Variants in DNAH7 observed in about 807,000 individuals in gnomAD.
DNAH7 encodes dynein axonemal heavy chain 7, also known as axonemal beta dynein heavy chain 7.
DNAH7 carries 397 observed loss-of-function variants against 444.6 expected under a neutral mutation model. The observed-to-expected ratio is 0.89, with a 90% CI of 0.82 to 0.97. The LOEUF (loss-of-function observed/expected upper bound fraction) is 0.97. Ranked by LOEUF, DNAH7 falls within the 50% of genes least tolerant of loss-of-function variation. The pLI, the probability that DNAH7 is intolerant of heterozygous loss-of-function variation, is 0.00. For missense variants in DNAH7, 4,902 were observed against 4,800.8 expected (o/e 1.02, Z -0.62); for synonymous variants, 1,636 against 1,624.4 (o/e 1.01, Z -0.17).
Position 196,000,764 on chromosome 2 carries a change from G to A in DNAH7, c.1293C>T (p.Asp431=), listed in dbSNP as rs370258473. ...DYIDIFLNVY[D]VMIKAVSFVP... ...CAAAACTGACAGCTTTAATCATGAC[G>A]TCATAAACATTTAGAAAGATATCTA... Residue 431 remains aspartate, a synonymous_variant, in exon 12 of 65, where the codon GAC becomes GAT. Coordinates refer to ENST00000312428, the MANE Select transcript of DNAH7 (RefSeq NM_018897.3). The A allele has an allele frequency of 4.5e-5, 72 of 1,595,642 alleles. No homozygotes were observed. The highest frequency in any genetic ancestry group is 1.8e-4 in the South Asian group (16 of 87,018).
At chr2:195,804,815 G>A (rs1476265960) in intron 54 of DNAH7, among the ~76,000 whole-genome samples, 2 of 151,906 alleles carry the variant, frequency 1.3e-5, no homozygotes, top group Admixed American at 6.6e-5. Flanking sequence ...CAGAAATACT[G>A]ATGAGTAGTA....
Position 195,737,863 on chromosome 2 carries a change from T to TAC in DNAH7, c.*57_*58insGT. 22 of 1,289,600 alleles carry TAC rather than the reference T, an allele frequency of 1.7e-5. No individual in the cohort carries two copies. Among genetic ancestry groups the TAC allele is most frequent in the Non-Finnish European group, 2.4e-5 (22 of 910,220 alleles). 79.9% of individuals were successfully genotyped at this position (1,289,600 alleles called of 1,614,324 possible). ...AAAAAAAGGTTTAAGTAGTAAAATA[T>TAC]GCTTTCTCTACTCAGCCAGCCAACA... On this transcript the variant is annotated 3_prime_UTR_variant, in exon 65 of 65. Transcript: ENST00000312428.
intron 9 of DNAH7, among the ~76,000 whole-genome samples, chr2:196,013,993 G>A (rs1340557243): frequency 2.6e-5 from 4 of 152,116 alleles, no homozygotes; most frequent in Non-Finnish European, 4.4e-5. Context: ...TAGTTTCTTC[G>A]TATTCGATTT....
intron 40 of DNAH7, among the ~76,000 whole-genome samples, chr2:195,867,456 G>A (rs1299495445): frequency 1.3e-5 from 2 of 152,064 alleles, no homozygotes; most frequent in Non-Finnish European, 2.9e-5. Context: ...TATAATTCAT[G>A]GACCATAAAA....
chr2:195,976,364 G>A (rs1692185033), intron 15 of DNAH7, among the ~76,000 whole-genome samples: 1 of 152,112 alleles, frequency 6.6e-6, no homozygotes, highest in African/African-American at 2.4e-5. Context: ...GGGAAGAGTG[G>A]GAAGGACTTT....
In DNAH7 at chr2:195,888,874, C is replaced by G. The variant is rs1046919726; in HGVS notation, c.5154G>C (p.Gly1718=). 1 of 1,613,928 alleles carries G rather than the reference C, an allele frequency of 6.2e-7. No individual in the cohort carries two copies. The highest frequency in any genetic ancestry group is 2.2e-5 in the East Asian group (1 of 44,852). ...DDNKKLCLMS[G]EIIQMSPQMN... is the part of the protein sequence containing the mutation. The stretch of plus-strand genomic sequence containing the variant: ...TTTGTGGTGACATCTGAATAATCTC[C>G]CCACTCATCAGACATAGCTTCTTGT... The change falls in exon 32 of 65, where the codon GGG becomes GGC. Residue 1718 remains glycine (G), a synonymous_variant. Transcript: ENST00000312428.
chr2:196,033,424 C>T (rs1260013513), intron 5 of DNAH7, among the ~76,000 whole-genome samples: 1 of 152,152 alleles, frequency 6.6e-6, no homozygotes, highest in Non-Finnish European at 1.5e-5. Flanking sequence ...CTAACTAAGT[C>T]TTTGTAGCCT....
rs1041648515 is a variant in DNAH7 at position 195,824,258 on chromosome 2, T to A, written c.9288A>T (p.Val3096=). 3.1e-6 allele frequency: 5 copies of A among 1,611,426 alleles called. No individual in the cohort carries two copies. The African/African-American group carries it at 4.0e-5, about 13-fold the overall frequency. ...AACATTCATTTTATATACTGGCCTTTACTGATGTTTCAGGAAGATAATGAG... is the reference window on the plus strand; with the variant it reads ...AACATTCATTTTATATACTGGCCTTAACTGATGTTTCAGGAAGATAATGAG... ...RNPHYLPETS[V]KVTLLNFMIT... The change falls in exon 49 of 65, where the codon GTA becomes GTT. Residue 3096 remains valine, a synonymous_variant. Transcript: ENST00000312428.
intron 19 of DNAH7, among the ~76,000 whole-genome samples, chr2:195,954,481 T>G (rs1690497821): frequency 6.6e-6 from 1 of 152,274 alleles, no homozygotes; most frequent in Non-Finnish European, 1.5e-5. Context: ...AGTGCCACAA[T>G]AAACATACAT....
chr2:196,018,389 T>C (rs1695156786), intron 9 of DNAH7, among the ~76,000 whole-genome samples: 1 of 152,072 alleles, frequency 6.6e-6, no homozygotes, highest in Admixed American at 6.6e-5. Flanking sequence ...AAAACATAAA[T>C]ATGCTATGAT....
At position 195,858,497 on chromosome 2, in the gene DNAH7, C is replaced by A; in HGVS notation, c.8044G>T (p.Ala2682Ser). ...ACCTGTGCAGTAAGAGTATCAAGGG[C>A]GGCCAGTGCTGACTCTAATATTGGC... ...ALPILESALA[A>S]LDTLTAQDIT... Residue 2682 changes from alanine to serine, a missense_variant, in exon 43 of 65, where the codon GCC (alanine) becomes TCC (serine). Transcript: ENST00000312428. 6.2e-7 allele frequency: 1 copy of A among 1,607,746 alleles called. No homozygotes were observed. The highest frequency in any genetic ancestry group is 1.1e-5 in the South Asian group (1 of 90,370).
intron 46 of DNAH7, among the ~76,000 whole-genome samples, chr2:195,848,673 G>C (rs1262214282): frequency 1.3e-5 from 2 of 152,232 alleles, no homozygotes; most frequent in Non-Finnish European, 2.9e-5. Flanking sequence ...CATCAAGCTA[G>C]AGCTGTGGGA....
Position 195,853,483 on chromosome 2 carries a change from CA to C in DNAH7, c.8640del (p.Ile2880MetfsTer18), listed in dbSNP as rs766722939. The C allele has an allele frequency of 1.1e-5, 18 of 1,613,958 alleles. No individual in the cohort carries two copies. The highest frequency in any genetic ancestry group is 1.5e-5 in the Non-Finnish European group (18 of 1,179,926). On this transcript the variant is annotated frameshift_variant, in exon 46 of 65. Coordinates refer to ENST00000312428, the MANE Select transcript of DNAH7 (RefSeq NM_018897.3). LOFTEE classifies it high-confidence loss of function. ...CGAGTTTTCTCACCTCCAAGGCCTCCAATCAACTGTTCAGCTCGTTCTAGTT... is the reference window on the plus strand; with the variant it reads ...CGAGTTTTCTCACCTCCAAGGCCTCCATCAACTGTTCAGCTCGTTCTAGTT... Reference protein sequence around the residue: ...SKKLERAEQLIGGLGGEKTRW... With the variant: ...SKKLERAEQLXGGLGGEKTRW...
intron 47 of DNAH7, among the ~76,000 whole-genome samples, chr2:195,840,460 T>C (rs1157798965): frequency 6.6e-6 from 1 of 151,754 alleles, no homozygotes; most frequent in East Asian, 1.9e-4. Context: ...GTGTCTGATT[T>C]CATCAACCCT....
intron 40 of DNAH7, among the ~76,000 whole-genome samples, chr2:195,865,888 G>C (rs1316501794): frequency 6.6e-6 from 1 of 152,126 alleles, no homozygotes; most frequent in Non-Finnish European, 1.5e-5. Context: ...CTCTCTCTCT[G>C]GTTCTTGTTT....
chr2:195,799,177 G>A (rs774172551), intron 55 of DNAH7, 119 bp downstream of exon 55: 63 of 870,072 alleles, frequency 7.2e-5, no homozygotes, highest in Admixed American at 1.7e-4. Flanking sequence ...GTCAACTTGT[G>A]ATAACTTTCA....
Position 195,972,320 on chromosome 2 carries a change from A to C in DNAH7, c.1980T>G (p.Tyr660Ter). 6.2e-7 allele frequency: 1 copy of C among 1,614,120 alleles called. No homozygotes were observed. Residue 660 changes from tyrosine (Y) to a stop codon, truncating the protein, a stop_gained, in exon 16 of 65, where the codon TAT (tyrosine) becomes TAG (stop). Transcript: ENST00000312428. LOFTEE classifies it high-confidence loss of function. ...MRLNNSVFQW[Y>*]GRMGEIFEEH... The stretch of plus-strand genomic sequence containing the variant: ...CTTCAAAAATTTCTCCCATCCTTCC[A>C]TACCACTGGAAAACACTATTATTTA...
At position 195,857,416 on chromosome 2, in the gene DNAH7, C is replaced by T. The variant is rs772017524; in HGVS notation, c.8375G>A (p.Gly2792Asp). The T allele has an allele frequency of 1.2e-5, 20 of 1,607,552 alleles. No individual in the cohort carries two copies. Among genetic ancestry groups the T allele is most frequent in the African/African-American group, 2.7e-5 (2 of 74,518 alleles). The change falls in exon 44 of 65, where the codon GGT (glycine) becomes GAT (aspartate). Residue 2792 changes from glycine (G) to aspartate (D), a missense_variant. Transcript: ENST00000312428. ...CATTGCTATGACCCATTTGCACAGA[C>T]CTTCGGCCGCTGTAGAAGCATTTCT... ...KIRNASTAAE[G>D]LCKWVIAMDS...
chr2:195,851,061 G>T (rs556604775), intron 46 of DNAH7, among the ~76,000 whole-genome samples: 14 of 152,286 alleles, frequency 9.2e-5, no homozygotes, highest in African/African-American at 3.1e-4. Context: ...AGGGAAGTCT[G>T]ACAGAAAGAG....
Sources: gnomAD v4.1 joint callset for allele counts (sites outside exome capture counted in the v4.1 genomes callset) on GRCh38, gnomAD v4.1.1 for gene constraint, MANE v1.5 for transcripts, NCBI Gene and HGNC (gene_info 2026-07-23, HGNC 2026-07-21) for gene names.